Variants in ARHGAP24 observed in about 807,000 individuals in gnomAD.
ARHGAP24 encodes Rho GTPase activating protein 24, also known as rho GTPase-activating protein 24.
ARHGAP24 carries 50 observed loss-of-function variants against 76.4 expected under a neutral mutation model. The ratio of observed to expected loss-of-function variants is 0.65; its 90% CI spans 0.52 to 0.83. The LOEUF is 0.83. Among genes scored for constraint, ARHGAP24 ranks in the 40% least tolerant of loss-of-function variants. The pLI, the probability that ARHGAP24 is intolerant of heterozygous loss-of-function variation, is 0.00. For synonymous variants in ARHGAP24, 345 were observed against 323.3 expected (o/e 1.07, Z -0.72); for missense variants, 930 against 914.2 (o/e 1.02, Z -0.22).
At chr4:85,841,469 T>C (rs1730592757) in intron 3 of ARHGAP24, among the ~76,000 whole-genome samples, 1 of 152,218 alleles carries the variant, frequency 6.6e-6, no homozygotes, top group South Asian at 2.1e-4. Context: ...ACTTAACTTA[T>C]AGTGTAATAG....
intron 1 of ARHGAP24, among the ~76,000 whole-genome samples, chr4:85,565,613 T>A (rs1270715286): frequency 6.6e-6 from 1 of 152,190 alleles, no homozygotes; most frequent in African/African-American, 2.4e-5. Context: ...GTGCATTCAC[T>A]GAGTGGATGC....
At chr4:85,527,304 T>A (rs990700085) in intron 1 of ARHGAP24, among the ~76,000 whole-genome samples, 2 of 152,148 alleles carry the variant, frequency 1.3e-5, no homozygotes, top group Admixed American at 1.3e-4. Flanking sequence ...ATGCATGAGT[T>A]TTATTTGATT....
At chr4:85,680,723 C>T (rs1188543425) in intron 2 of ARHGAP24, among the ~76,000 whole-genome samples, 1 of 150,676 alleles carries the variant, frequency 6.6e-6, no homozygotes, top group Admixed American at 6.6e-5. Context: ...GAAACCAAAC[C>T]CATGTGCCTG....
intron 2 of ARHGAP24, among the ~76,000 whole-genome samples, chr4:85,705,422 G>C (rs1035124697): frequency 6.6e-6 from 1 of 152,088 alleles, no homozygotes. Flanking sequence ...AATATGACTT[G>C]CATGCATGTA....
chr4:85,713,231 G>A (rs980476290), intron 2 of ARHGAP24, among the ~76,000 whole-genome samples: 3 of 152,150 alleles, frequency 2.0e-5, no homozygotes, highest in African/African-American at 7.2e-5. Flanking sequence ...GCTTGAGCCT[G>A]GGAGGCTGAG....
Position 85,888,402 on chromosome 4 carries a change from G to GAAA in ARHGAP24, c.269-35232_269-35230dup, listed in dbSNP as rs377665282. Among the ~76,000 whole-genome samples the GAAA allele has an allele frequency of 5.7e-3, 718 of 125,138 alleles. 5 individuals carry two copies. Among genetic ancestry groups the GAAA allele is most frequent in the Middle Eastern group, 0.018 (4 of 228 alleles). 82.1% of individuals were successfully genotyped at this position (125,138 alleles called of 152,430 possible). ...GCAACAGAGCAAGACTTCCTCTCAA[G>GAAA]AAAAAAAAAAAAAAAAGAAAGAAAG... On this transcript the variant is annotated intron_variant, in intron 3 of 9. Coordinates refer to ENST00000395184, the MANE Select transcript of ARHGAP24 (RefSeq NM_001025616.3).
chr4:85,765,535 G>A (rs1390549205), intron 3 of ARHGAP24, among the ~76,000 whole-genome samples: 1 of 152,066 alleles, frequency 6.6e-6, no homozygotes, highest in Non-Finnish European at 1.5e-5. Flanking sequence ...ACATCTCCAA[G>A]CATGATAGTA....
chr4:85,488,953 T>G (rs139974582), intron 1 of ARHGAP24, among the ~76,000 whole-genome samples: 47 of 152,348 alleles, frequency 3.1e-4, no homozygotes, highest in Non-Finnish European at 3.8e-4. Context: ...GATTTCAAGG[T>G]GTAACTTGTA....
chr4:85,666,787 G>A (rs1199332198), intron 2 of ARHGAP24, among the ~76,000 whole-genome samples: 1 of 152,220 alleles, frequency 6.6e-6, no homozygotes, highest in Non-Finnish European at 1.5e-5. Flanking sequence ...CTGGGTATCA[G>A]TAGCGGTGGC....
chr4:85,696,634 TAA>T (rs1450133248), intron 2 of ARHGAP24, among the ~76,000 whole-genome samples: 1 of 152,224 alleles, frequency 6.6e-6, no homozygotes, highest in Non-Finnish European at 1.5e-5. Flanking sequence ...TTATACATCT[TAA>T]GTTTTACATC....
chr4:85,647,752 A>G (rs1721776895), intron 2 of ARHGAP24, among the ~76,000 whole-genome samples: 1 of 152,138 alleles, frequency 6.6e-6, no homozygotes, highest in South Asian at 2.1e-4. Context: ...GGTCTTTGCT[A>G]GAACATCATC....
intron 3 of ARHGAP24, among the ~76,000 whole-genome samples, chr4:85,845,216 C>A (rs1730814671): frequency 6.6e-6 from 1 of 152,146 alleles, no homozygotes; most frequent in Admixed American, 6.5e-5. Context: ...TGATAATTTT[C>A]AGTCATAATT....
chr4:85,687,020 G>C (rs896275679), intron 2 of ARHGAP24, among the ~76,000 whole-genome samples: 3 of 151,930 alleles, frequency 2.0e-5, no homozygotes, highest in Admixed American at 6.6e-5. Context: ...TGGGATGGAG[G>C]GGGGAGAAAA....
chr4:85,794,100 A>G (rs1728242680), intron 3 of ARHGAP24, among the ~76,000 whole-genome samples: 1 of 152,180 alleles, frequency 6.6e-6, no homozygotes, highest in South Asian at 2.1e-4. Flanking sequence ...ATAAAACTAT[A>G]TATTCTGGAA....
chr4:85,688,746 T>C (rs1723521738), intron 2 of ARHGAP24, among the ~76,000 whole-genome samples: 1 of 138,760 alleles, frequency 7.2e-6, no homozygotes, highest in Admixed American at 6.8e-5. Flanking sequence ...TTTGAGTTGA[T>C]TTTTTTTAAG....
At chr4:85,789,472 C>T (rs867054560) in intron 3 of ARHGAP24, among the ~76,000 whole-genome samples, 1 of 151,752 alleles carries the variant, frequency 6.6e-6, no homozygotes, top group Non-Finnish European at 1.5e-5. Flanking sequence ...TCAGGCTCAT[C>T]GAGCACTGGG....
intron 1 of ARHGAP24, among the ~76,000 whole-genome samples, chr4:85,513,252 C>CCTT (rs879808419): frequency 4.0e-4 from 61 of 152,328 alleles, no homozygotes; most frequent in Admixed American, 5.2e-4. Flanking sequence ...GGTGGCCAAA[C>CCTT]CTTCAGTGGA....
intron 2 of ARHGAP24, among the ~76,000 whole-genome samples, chr4:85,623,245 C>T (rs1720790227): frequency 6.6e-6 from 1 of 152,124 alleles, no homozygotes; most frequent in Non-Finnish European, 1.5e-5. Flanking sequence ...ACATGTAAGT[C>T]TTTAATCCAT....
chr4:85,481,292 A>T (rs1482182882), intron 1 of ARHGAP24, among the ~76,000 whole-genome samples: 1 of 152,194 alleles, frequency 6.6e-6, no homozygotes, highest in Non-Finnish European at 1.5e-5. Context: ...GAACATCAAA[A>T]CCACATCTGC....
Sources: gnomAD v4.1 joint callset for allele counts (sites outside exome capture counted in the v4.1 genomes callset) on GRCh38, gnomAD v4.1.1 for gene constraint, MANE v1.5 for transcripts, NCBI Gene and HGNC (gene_info 2026-07-23, HGNC 2026-07-21) for gene names.